PRKCB: variants seen among roughly 807,000 people sequenced by gnomAD.
The protein encoded by PRKCB is protein kinase C beta.
A neutral mutation model predicts 81.5 loss-of-function variants in PRKCB; 13 were observed. The ratio of observed to expected loss-of-function variants is 0.16; its 90% confidence interval spans 0.10 to 0.25. The LOEUF is 0.25. PRKCB is among the 10% of genes least tolerant of loss of function. The pLI is 1.00. For missense variants in PRKCB, 509 were observed against 875.7 expected, an observed-to-expected ratio of 0.58 and a Z score of 5.29; for synonymous variants, 335 against 321.4, an observed-to-expected ratio of 1.04 and a Z score of -0.45.
At chr16:24,175,645 G>A (rs544704569) in intron 12 of PRKCB, among the ~76,000 whole-genome samples, 2 of 151,816 alleles carry the variant, frequency 1.3e-5, no homozygotes, top group South Asian at 2.1e-4. Context: ...AGAGTCCTGG[G>A]CCTTTTGCCT....
At chr16:23,984,219 A>G (rs1476792388) in intron 2 of PRKCB, among the ~76,000 whole-genome samples, 3 of 152,244 alleles carry the variant, frequency 2.0e-5, no homozygotes, top group Non-Finnish European at 2.9e-5. Flanking sequence ...CATTTGTAGA[A>G]TAGTCATGAT....
At chr16:24,124,891 G>A (rs1048028279) in intron 9 of PRKCB, among the ~76,000 whole-genome samples, 9 of 152,096 alleles carry the variant, frequency 5.9e-5, no homozygotes, top group Non-Finnish European at 1.0e-4. Context: ...ATGCATTGGC[G>A]AATTCTGACA....
chr16:24,079,845 G>A (rs1018289056), intron 5 of PRKCB, among the ~76,000 whole-genome samples: 5 of 152,156 alleles, frequency 3.3e-5, no homozygotes, highest in Admixed American at 1.3e-4. Context: ...AGTTTTACCC[G>A]TAAGCATAAT....
chr16:24,152,104 G>A (rs1055195254), intron 9 of PRKCB, among the ~76,000 whole-genome samples: 5 of 152,048 alleles, frequency 3.3e-5, no homozygotes, highest in African/African-American at 7.3e-5. Flanking sequence ...GTATTAGTCC[G>A]TTTTCATGCT....
chr16:23,967,946 C>T lies in PRKCB; in HGVS notation c.206-20562C>T, dbSNP rs573056838. On this transcript the variant is annotated intron_variant, in intron 2 of 16. Coordinates refer to ENST00000643927, the MANE Select transcript of PRKCB (RefSeq NM_002738.7). ...TTTGGATTATAGGCGTGAGCCACTG[C>T]GCCGGGCCTTTTATGGTGTCTTTGA... Among the ~76,000 whole-genome samples the T allele has an allele frequency of 1.6e-4, 24 of 152,308 alleles. No individual in the cohort carries two copies. In the South Asian group the frequency reaches 1.9e-3, roughly 12 times the overall value.
chr16:24,103,732 T>C (rs397510), intron 7 of PRKCB, among the ~76,000 whole-genome samples: 97,473 of 152,014 alleles, frequency 0.64, 31,577 homozygotes, highest in African/African-American at 0.73. Flanking sequence ...CTACAGTTCC[T>C]AGTGTCTGTT....
chr16:24,193,346 G>T (rs1967822791), intron 16 of PRKCB, among the ~76,000 whole-genome samples: 1 of 151,912 alleles, frequency 6.6e-6, no homozygotes, highest in African/African-American at 2.4e-5. Context: ...TTGTGAGGCT[G>T]AGGCAGGAGA....
At chr16:23,964,789 C>G (rs149356881) in intron 2 of PRKCB, among the ~76,000 whole-genome samples, 422 of 152,002 alleles carry the variant, frequency 2.8e-3, no homozygotes, top group African/African-American at 9.8e-3. Context: ...CCTGCTTCAG[C>G]CTCCCCAGTA....
intron 9 of PRKCB, among the ~76,000 whole-genome samples, chr16:24,125,471 CG>C (rs1966841726): frequency 6.6e-6 from 1 of 152,172 alleles, no homozygotes; most frequent in African/African-American, 2.4e-5. Context: ...TTTGCAAGGC[CG>C]GCTGCTTCCT....
intron 2 of PRKCB, among the ~76,000 whole-genome samples, chr16:23,866,256 A>G (rs893756861): frequency 6.6e-6 from 1 of 152,196 alleles, no homozygotes; most frequent in Non-Finnish European, 1.5e-5. Flanking sequence ...GTCATGGGGT[A>G]ATCATTATGG....
intron 16 of PRKCB, among the ~76,000 whole-genome samples, chr16:24,202,538 A>G (rs1352216120): frequency 6.6e-6 from 1 of 152,228 alleles, no homozygotes; most frequent in Non-Finnish European, 1.5e-5. Flanking sequence ...GAAGCTACAA[A>G]GTGAAATTAA....
rs989802437 is a variant in PRKCB, at chr16:23,920,111, C to T, written c.206-68397C>T. Among the ~76,000 whole-genome samples the T allele has an allele frequency of 3.9e-5, 6 of 152,180 alleles. 1 individual carries two copies. The South Asian group carries it at 6.2e-4, about 16-fold the overall frequency. On this transcript the variant is annotated intron_variant, in intron 2 of 16. Coordinates refer to ENST00000643927, the MANE Select transcript of PRKCB (RefSeq NM_002738.7). ...ATAGTGGCTGCACCATTTTGCATTC[C>T]CATCAACAGTGCACAAGGATTTTTC...
chr16:24,174,587 G>A lies in PRKCB; in HGVS notation c.1394+7G>A. The A allele has an allele frequency of 6.2e-7, 1 of 1,609,808 alleles. No homozygotes were observed. Among genetic ancestry groups the A allele is most frequent in the Non-Finnish European group, 8.5e-7 (1 of 1,176,718 alleles). ...GTAAGGGCATCATTTACCGGTAAGTGAACACTGCTGTACTTTCCATCTCTT... is the reference window on the plus strand; with the variant it reads ...GTAAGGGCATCATTTACCGGTAAGTAAACACTGCTGTACTTTCCATCTCTT... On this transcript the variant is annotated splice_region_variant and intron_variant, in intron 12 of 16. Transcript: ENST00000643927.
intron 2 of PRKCB, among the ~76,000 whole-genome samples, chr16:23,871,121 C>T (rs754716976): frequency 6.6e-6 from 1 of 152,200 alleles, no homozygotes; most frequent in African/African-American, 2.4e-5. Context: ...ATTCTGCATA[C>T]GGGCCCTAAA....
chr16:24,057,155 G>C (rs140123935), intron 5 of PRKCB, among the ~76,000 whole-genome samples: 1 of 152,306 alleles, frequency 6.6e-6, no homozygotes, highest in Non-Finnish European at 1.5e-5. Context: ...CTTTATCTTG[G>C]ATTGTTCAGA....
chr16:23,933,629 T>TATCCATCC (rs57745059), intron 2 of PRKCB, among the ~76,000 whole-genome samples: 9,721 of 135,480 alleles, frequency 0.072, 455 homozygotes, highest in East Asian at 0.15. Flanking sequence ...TGTGAACTGA[T>TATCCATCC]ATCCATCCAT....
intron 10 of PRKCB, among the ~76,000 whole-genome samples, chr16:24,163,533 G>A (rs1180016656): frequency 6.6e-6 from 1 of 152,228 alleles, no homozygotes; most frequent in Non-Finnish European, 1.5e-5. Flanking sequence ...GAATTCCGAG[G>A]AAGAATAGAG....
intron 12 of PRKCB, among the ~76,000 whole-genome samples, chr16:24,175,329 G>T (rs73548559): frequency 6.6e-6 from 1 of 151,912 alleles, no homozygotes; most frequent in Admixed American, 6.6e-5. Flanking sequence ...AGAACCACAA[G>T]AGTCTCTTCC....
intron 16 of PRKCB, among the ~76,000 whole-genome samples, chr16:24,193,768 G>C (rs992572986): frequency 6.6e-6 from 1 of 152,144 alleles, no homozygotes; most frequent in Non-Finnish European, 1.5e-5. Context: ...AGAAGAGAAA[G>C]TGTTGGAGAT....
Sources: gnomAD v4.1 joint callset for allele counts (sites outside exome capture counted in the v4.1 genomes callset) on GRCh38, gnomAD v4.1.1 for gene constraint, MANE v1.5 for transcripts, NCBI Gene and HGNC (gene_info 2026-07-23, HGNC 2026-07-21) for gene names.